TULP4: variants seen among roughly 807,000 people sequenced by gnomAD.
TULP4 encodes the protein TUB like protein 4.
Under a neutral mutation model 129.0 loss-of-function variants are expected in TULP4, and 16 were observed. The observed-to-expected ratio is 0.12, with a 90% CI of 0.08 to 0.19. The LOEUF is 0.19. Among genes scored for constraint, TULP4 ranks in the 10% least tolerant of loss-of-function variants. The probability of loss-of-function intolerance (pLI) is 1.00; values close to 1 mark genes in which losing one functional copy is unlikely to be tolerated. For missense variants in TULP4, 1,842 were observed against 2,059.1 expected, an observed-to-expected ratio of 0.89 and a Z score of 2.04; for synonymous variants, 998 against 854.0, an observed-to-expected ratio of 1.17 and a Z score of -2.94.
At chr6:158,416,046 A>AGCTGAGGAACTTGGAGTCTGAT (rs1562556927) in intron 2 of TULP4, among the ~76,000 whole-genome samples, 1 of 152,232 alleles carries the variant, frequency 6.6e-6, no homozygotes, top group Non-Finnish European at 1.5e-5. Flanking sequence ...AGAGTCTAAA[A>AGCTGAGGAACTTGGAGTCTGAT]GCTGAGGAAC....
At chr6:158,416,105 G>A (rs1255771826) in intron 2 of TULP4, among the ~76,000 whole-genome samples, 3 of 152,214 alleles carry the variant, frequency 2.0e-5, no homozygotes, top group Admixed American at 2.0e-4. Flanking sequence ...GGAGAGAGAT[G>A]AAGGCTGGAA....
intron 1 of TULP4, among the ~76,000 whole-genome samples, chr6:158,258,309 G>T (rs764775620): frequency 2.8e-4 from 42 of 152,172 alleles, no homozygotes; most frequent in Non-Finnish European, 2.9e-5. Flanking sequence ...CACTCCCTCA[G>T]TGTTTCTGAG....
At chr6:158,367,410 T>C (rs972764436) in intron 1 of TULP4, among the ~76,000 whole-genome samples, 3 of 152,206 alleles carry the variant, frequency 2.0e-5, no homozygotes, top group African/African-American at 7.2e-5. Flanking sequence ...TTTGTTTGTG[T>C]TTTACGAATG....
chr6:158,382,071 G>A (rs1392907447), intron 1 of TULP4, among the ~76,000 whole-genome samples: 1 of 152,168 alleles, frequency 6.6e-6, no homozygotes, highest in Non-Finnish European at 1.5e-5. Context: ...CAGGAGTATG[G>A]GGAGGAGGTA....
intron 8 of TULP4, among the ~76,000 whole-genome samples, chr6:158,487,642 A>G (rs1483289784): frequency 6.6e-6 from 1 of 152,256 alleles, no homozygotes; most frequent in Non-Finnish European, 1.5e-5. Context: ...CTCTAGAAGT[A>G]TGAAGTAGAC....
intron 3 of TULP4, among the ~76,000 whole-genome samples, chr6:158,441,982 C>T (rs748816663): frequency 6.6e-6 from 1 of 152,204 alleles, no homozygotes; most frequent in Admixed American, 6.5e-5. Flanking sequence ...AGCCTAATCG[C>T]GTTGACAGCC....
chr6:158,383,037 G>A (rs115409580), intron 1 of TULP4, among the ~76,000 whole-genome samples: 2 of 152,330 alleles, frequency 1.3e-5, no homozygotes, highest in African/African-American at 2.4e-5. Flanking sequence ...CAATTTAGCC[G>A]TGGGTCATAA....
chr6:158,406,592 A>T (rs1777982351), intron 1 of TULP4, among the ~76,000 whole-genome samples: 1 of 152,232 alleles, frequency 6.6e-6, no homozygotes, highest in South Asian at 2.1e-4. Context: ...TATGGTCAAA[A>T]GATGAAAGTA....
chr6:158,411,090 C>T (rs774444099), intron 1 of TULP4, among the ~76,000 whole-genome samples: 4 of 130,480 alleles, frequency 3.1e-5, no homozygotes, highest in East Asian at 2.3e-4. Context: ...TACAAGGAGG[C>T]GAGGCTATGC....
rs1028073839 is a variant in TULP4 at position 158,313,738 on chromosome 6, C to G, written c.-279C>G. On this transcript the variant is annotated 5_prime_UTR_variant, in exon 1 of 14. Coordinates refer to ENST00000367097, the MANE Select transcript of TULP4 (RefSeq NM_020245.5). ...TCTCCAAAGGATCAGCACGTTCTTCCTCTGAGAACTTGAAAATACAAATGG... is the reference window on the plus strand; with the variant it reads ...TCTCCAAAGGATCAGCACGTTCTTCGTCTGAGAACTTGAAAATACAAATGG... 8 of 506,334 alleles carry G rather than the reference C, an allele frequency of 1.6e-5. No homozygotes were observed. The highest frequency in any genetic ancestry group is 1.6e-4 in the African/African-American group (8 of 51,456). 31.4% of individuals were successfully genotyped at this position (506,334 alleles called of 1,614,324 possible).
At chr6:158,298,813 G>A (rs997601795) in intron 1 of TULP4, among the ~76,000 whole-genome samples, 1 of 152,196 alleles carries the variant, frequency 6.6e-6, no homozygotes, top group Admixed American at 6.5e-5. Flanking sequence ...AGCGGCAGTG[G>A]CAATGCCCAA....
intron 1 of TULP4, among the ~76,000 whole-genome samples, chr6:158,306,516 G>A (rs552806514): frequency 6.6e-6 from 1 of 152,140 alleles, no homozygotes; most frequent in Non-Finnish European, 1.5e-5. Flanking sequence ...CCAAGATTGC[G>A]CCACTGCACT....
intron 1 of TULP4, among the ~76,000 whole-genome samples, chr6:158,382,231 A>G (rs1042780091): frequency 1.3e-5 from 2 of 152,148 alleles, no homozygotes; most frequent in South Asian, 4.1e-4. Flanking sequence ...CGATTGGGAA[A>G]AACTGATCTG....
At chr6:158,301,640 C>T (rs1216230821) in intron 1 of TULP4, among the ~76,000 whole-genome samples, 2 of 152,164 alleles carry the variant, frequency 1.3e-5, no homozygotes, top group Non-Finnish European at 1.5e-5. Flanking sequence ...AACACCACTC[C>T]ACTAAGTCAT....
At chr6:158,423,617 T>A (rs1778404687) in intron 2 of TULP4, among the ~76,000 whole-genome samples, 1 of 131,676 alleles carries the variant, frequency 7.6e-6, no homozygotes, top group African/African-American at 3.0e-5. Context: ...TTGTTTGTTG[T>A]TATTTGTTTT....
intron 1 of TULP4, chr6:158,241,872 C>T (rs1424114556): frequency 2.5e-5 from 17 of 692,670 alleles, no homozygotes; most frequent in Non-Finnish European, 2.2e-5. Flanking sequence ...GGATTACAGG[C>T]ATGAGCCACC....
chr6:158,314,379 A>T, intron 1 of TULP4, 111 bp downstream of exon 1: 1 of 1,302,584 alleles, frequency 7.7e-7, no homozygotes, highest in Non-Finnish European at 1.1e-6. Context: ...GCCTAGTGAG[A>T]CTTCCCATGC....
At chr6:158,246,023 G>GGGTGTGTGTGTGTGT (rs113914160) in intron 1 of TULP4, among the ~76,000 whole-genome samples, 2 of 145,918 alleles carry the variant, frequency 1.4e-5, no homozygotes, top group South Asian at 4.5e-4. Context: ...ACCCCTTAGG[G>GGGTGTGTGTGTGTGT]GTGTGTGTGT....
intron 1 of TULP4, among the ~76,000 whole-genome samples, chr6:158,253,188 G>A (rs1778176159): frequency 6.6e-6 from 1 of 152,164 alleles, no homozygotes; most frequent in Non-Finnish European, 1.5e-5. Flanking sequence ...TGGAAAATTA[G>A]GATATGTTGT....
Sources: allele counts gnomAD v4.1 joint callset (sites outside exome capture counted in the v4.1 genomes callset), GRCh38; gene constraint gnomAD v4.1.1; transcripts MANE v1.5; gene names NCBI Gene and HGNC (gene_info 2026-07-23, HGNC 2026-07-21).